Variants in RNF11 observed in about 807,000 individuals in gnomAD.
RNF11 encodes the protein ring finger protein 11.
RNF11 carries 4 observed loss-of-function variants against 15.8 expected under a neutral mutation model. That is an observed-to-expected ratio of 0.25 (90% CI 0.12 to 0.58). The LOEUF (loss-of-function observed/expected upper bound fraction) is 0.58, where lower values mean the gene tolerates loss of function less well. Ranked by LOEUF, RNF11 falls within the 20% of genes least tolerant of loss-of-function variation. The probability of loss-of-function intolerance (pLI) is 0.91; values close to 1 mark genes in which losing one functional copy is unlikely to be tolerated. For missense variants in RNF11, 139 were observed against 194.4 expected, an observed-to-expected ratio of 0.71 and a Z score of 1.70; for synonymous variants, 68 against 72.3, an observed-to-expected ratio of 0.94 and a Z score of 0.30.
intron 1 of RNF11, among the ~76,000 whole-genome samples, chr1:51,249,397 G>T (rs1250195242): frequency 6.6e-6 from 1 of 152,100 alleles, no homozygotes; most frequent in African/African-American, 2.4e-5. Context: ...CACCCAGCAG[G>T]TTTCTTAATT....
At position 51,271,870 on chromosome 1, in the gene RNF11, T is replaced by C. The variant is rs1646980344; in HGVS notation, c.*548T>C. 1 of 152,830 alleles carries C rather than the reference T, an allele frequency of 6.5e-6. No homozygotes were observed. The highest frequency in any genetic ancestry group is 6.5e-5 in the Admixed American group (1 of 15,294). 9.5% of individuals were successfully genotyped at this position (152,830 alleles called of 1,614,324 possible). A position where few individuals can be genotyped will look rare whatever the true frequency, so the allele number is the denominator to read the frequency against. On this transcript the variant is annotated 3_prime_UTR_variant, in exon 3 of 3. Transcript: ENST00000242719. The stretch of plus-strand genomic sequence containing the variant: ...CATTGCCTTAGGTCTTTTTAAATAG[T>C]GTATTATTATCGTTGGGGCTGGCTC...
intron 1 of RNF11, among the ~76,000 whole-genome samples, chr1:51,258,140 C>G (rs1202346332): frequency 6.6e-6 from 1 of 152,120 alleles, no homozygotes; most frequent in Non-Finnish European, 1.5e-5. Flanking sequence ...GGGTGTGAGC[C>G]ACTGCACCCA....
chr1:51,262,514 C>T (rs1483007047), intron 1 of RNF11, among the ~76,000 whole-genome samples: 1 of 151,974 alleles, frequency 6.6e-6, no homozygotes, highest in Non-Finnish European at 1.5e-5. Context: ...GAAAAGATAA[C>T]CCATAGGATG....
At chr1:51,245,318 A>AT (rs773267188) in intron 1 of RNF11, among the ~76,000 whole-genome samples, 2 of 152,094 alleles carry the variant, frequency 1.3e-5, no homozygotes, top group Non-Finnish European at 1.5e-5. Context: ...ACACCCAGCT[A>AT]TTTTTTGTAT....
intron 1 of RNF11, among the ~76,000 whole-genome samples, chr1:51,253,393 T>A (rs1285294481): frequency 6.6e-6 from 1 of 151,770 alleles, no homozygotes; most frequent in Non-Finnish European, 1.5e-5. Context: ...TGTGGTGGCA[T>A]GCACCTGTAG....
At chr1:51,270,528 A>T (rs961847711) in intron 2 of RNF11, among the ~76,000 whole-genome samples, 1 of 152,216 alleles carries the variant, frequency 6.6e-6, no homozygotes, top group Admixed American at 6.5e-5. Flanking sequence ...TGGGAGAATC[A>T]CTTGAAACTC....
chr1:51,273,257 T>C lies in RNF11; in HGVS notation c.*1935T>C, dbSNP rs896531887. 3 of 152,216 alleles carry C rather than the reference T, an allele frequency of 2.0e-5. No individual in the cohort carries two copies. In the South Asian group the frequency reaches 6.2e-4, roughly 31 times the overall value. The allele number at this position is 152,216 out of a possible 1,614,324, so 9.4% of individuals were successfully genotyped here. A position where few individuals can be genotyped will look rare whatever the true frequency, so the allele number is the denominator to read the frequency against. On this transcript the variant is annotated 3_prime_UTR_variant, in exon 3 of 3. Coordinates refer to ENST00000242719, the MANE Select transcript of RNF11 (RefSeq NM_014372.5). ...GGCAAATGAACTTTTTTAAAAATCA[T>C]CTTCCATGTTGCAGTTAGTCTTTCT...
intron 1 of RNF11, among the ~76,000 whole-genome samples, chr1:51,246,979 T>TAAAAA (rs58842374): frequency 1.2e-4 from 15 of 126,566 alleles, no homozygotes; most frequent in African/African-American, 4.4e-4. Context: ...CCTTATCTCT[T>TAAAAA]AAAAAAAAAA....
chr1:51,238,401 C>T (rs1158490248), intron 1 of RNF11, among the ~76,000 whole-genome samples: 1 of 152,166 alleles, frequency 6.6e-6, no homozygotes, highest in African/African-American at 2.4e-5. Flanking sequence ...TTCCGGTTTG[C>T]TGTTGTATCC....
intron 1 of RNF11, among the ~76,000 whole-genome samples, chr1:51,255,434 C>CT (rs1646900146): frequency 6.6e-6 from 1 of 152,042 alleles, no homozygotes; most frequent in Non-Finnish European, 1.5e-5. Flanking sequence ...TAATTTTTGT[C>CT]TTTTTGGCAG....
chr1:51,241,824 G>C (rs566764006), intron 1 of RNF11, among the ~76,000 whole-genome samples: 1 of 152,190 alleles, frequency 6.6e-6, no homozygotes, highest in Non-Finnish European at 1.5e-5. Context: ...GTCCATGAGA[G>C]GGGGAGGCCA....
At chr1:51,244,873 C>T (rs1017515196) in intron 1 of RNF11, among the ~76,000 whole-genome samples, 1 of 152,106 alleles carries the variant, frequency 6.6e-6, no homozygotes, top group Non-Finnish European at 1.5e-5. Context: ...GTAAGATAGT[C>T]TGTTCAGAGT....
chr1:51,252,793 CT>C (rs1271842917), intron 1 of RNF11, among the ~76,000 whole-genome samples: 8 of 140,712 alleles, frequency 5.7e-5, no homozygotes, highest in Non-Finnish European at 1.2e-4. Context: ...TTTGTGAAGT[CT>C]TTTGTCCAGT....
At chr1:51,269,203 G>A (rs1646968253) in intron 1 of RNF11, among the ~76,000 whole-genome samples, 1 of 152,194 alleles carries the variant, frequency 6.6e-6, no homozygotes, top group African/African-American at 2.4e-5. Context: ...AGGGCTTGGG[G>A]ATGGGGAGCC....
intron 1 of RNF11, among the ~76,000 whole-genome samples, chr1:51,250,074 ACTGACAATAT>A (rs1646869662): frequency 6.6e-6 from 1 of 152,184 alleles, no homozygotes; most frequent in Non-Finnish European, 1.5e-5. Flanking sequence ...TTCTGCTTGT[ACTGACAATAT>A]GAGAGTTTCA....
intron 1 of RNF11, among the ~76,000 whole-genome samples, chr1:51,245,340 A>G (rs1646846975): frequency 6.6e-6 from 1 of 152,070 alleles, no homozygotes; most frequent in South Asian, 2.1e-4. Context: ...TTTAGTAGAG[A>G]CGGGGTCTCA....
intron 1 of RNF11, among the ~76,000 whole-genome samples, chr1:51,255,165 A>C (rs893890618): frequency 2.0e-5 from 3 of 152,174 alleles, no homozygotes; most frequent in Admixed American, 6.5e-5. Context: ...ATATGTATAT[A>C]TATGTTTCTA....
At chr1:51,255,756 G>A (rs1490234388) in intron 1 of RNF11, among the ~76,000 whole-genome samples, 1 of 152,076 alleles carries the variant, frequency 6.6e-6, no homozygotes, top group African/African-American at 2.4e-5. Context: ...AATTATCTTG[G>A]TATTCTTGCC....
intron 1 of RNF11, among the ~76,000 whole-genome samples, chr1:51,249,361 T>C (rs1455133150): frequency 6.6e-6 from 1 of 152,112 alleles, no homozygotes. Flanking sequence ...CTCCCAAAGC[T>C]CTGGGATTAC....
Sources: allele counts gnomAD v4.1 joint callset (sites outside exome capture counted in the v4.1 genomes callset), GRCh38; gene constraint gnomAD v4.1.1; transcripts MANE v1.5; gene names NCBI Gene and HGNC (gene_info 2026-07-23, HGNC 2026-07-21).